EFCAB6: variants seen among roughly 807,000 people sequenced by gnomAD.
The protein encoded by EFCAB6 is EF-hand calcium binding domain 6, also known as EF-hand calcium-binding domain-containing protein 6.
In EFCAB6, 156 loss-of-function variants were observed where a neutral mutation model predicts 169.8. The observed-to-expected ratio is 0.92, with a 90% CI of 0.81 to 1.05. The LOEUF (loss-of-function observed/expected upper bound fraction) is 1.05. Ranked by LOEUF, EFCAB6 falls within the 50% of genes least tolerant of loss-of-function variation. The probability of loss-of-function intolerance (pLI) is 0.00; values close to 1 mark genes in which losing one functional copy is unlikely to be tolerated. For synonymous variants in EFCAB6, 698 were observed against 676.4 expected, an observed-to-expected ratio of 1.03 and a Z score of -0.50; for missense variants, 1,800 against 1,829.1, an observed-to-expected ratio of 0.98 and a Z score of 0.29.
intron 6 of EFCAB6, among the ~76,000 whole-genome samples, chr22:43,750,054 C>G (rs2060702393): frequency 6.6e-6 from 1 of 152,058 alleles, no homozygotes; most frequent in South Asian, 2.1e-4. Flanking sequence ...ACCCCCACAC[C>G]ATGCTGCTTT....
chr22:43,696,941 C>T (rs926060169), intron 10 of EFCAB6, among the ~76,000 whole-genome samples: 7 of 152,170 alleles, frequency 4.6e-5, no homozygotes, highest in African/African-American at 1.7e-4. Context: ...TAATTTATAC[C>T]TCTATAAAGC....
chr22:43,762,260 G>A (rs2061186823), intron 5 of EFCAB6, among the ~76,000 whole-genome samples: 1 of 152,190 alleles, frequency 6.6e-6, no homozygotes, highest in Admixed American at 6.5e-5. Flanking sequence ...AATCACTGAG[G>A]ATGTAGGGTC....
At chr22:43,626,794 C>T in intron 19 of EFCAB6, 115 bp from the exon 20 acceptor site, 1 of 906,066 alleles carries the variant, frequency 1.1e-6, no homozygotes, top group Non-Finnish European at 1.7e-6. Flanking sequence ...CTTGGCTGGG[C>T]CCCAACTATT....
chr22:43,627,604 A>G (rs1455388600), intron 19 of EFCAB6, among the ~76,000 whole-genome samples: 1 of 152,164 alleles, frequency 6.6e-6, no homozygotes, highest in African/African-American at 2.4e-5. Context: ...CCCGGGGCCA[A>G]TGCCTGTTTC....
chr22:43,626,501 T>C lies in EFCAB6; in HGVS notation c.2411A>G (p.Asn804Ser), dbSNP rs2054534025. 1 of 1,614,032 alleles carries C rather than the reference T, an allele frequency of 6.2e-7. No individual in the cohort carries two copies. Among genetic ancestry groups the C allele is most frequent in the African/African-American group, 1.3e-5 (1 of 74,894 alleles). Residue 804 changes from asparagine (N) to serine (S), a missense_variant, in exon 20 of 32, where the codon AAT becomes AGT. By Grantham distance (46) the Asn-to-Ser change is conservative. Transcript: ENST00000262726. Reference sequence around the variant, plus strand: ...TCTCCATGGTCTCTTCTCACACAAATTTTGAAATTCCCGAAAATTTAAAGT... The same window carrying C: ...TCTCCATGGTCTCTTCTCACACAAACTTTGAAATTCCCGAAAATTTAAAGT... Reference protein sequence around the residue: ...SVTLNFREFQNLCEKRPWRTD... With the variant: ...SVTLNFREFQSLCEKRPWRTD...
At position 43,555,204 on chromosome 22, in the gene EFCAB6, G is replaced by C. The variant is rs2048633187; in HGVS notation, c.3421-108C>G. 4.3e-6 allele frequency: 5 copies of C among 1,157,258 alleles called. No individual in the cohort carries two copies. The East Asian group carries it at 1.3e-4, about 29-fold the overall frequency. 71.7% of individuals were successfully genotyped at this position (1,157,258 alleles called of 1,614,324 possible). On this transcript the variant is annotated intron_variant, in intron 26 of 31. Coordinates refer to ENST00000262726, the MANE Select transcript of EFCAB6 (RefSeq NM_022785.4). ...GCAGGGAGACCCAGCGTGGTGGGGA[G>C]GAGAGGCCAGAAGACAGCTACAGCC...
intron 10 of EFCAB6, among the ~76,000 whole-genome samples, chr22:43,689,894 T>A (rs1232506946): frequency 6.6e-6 from 1 of 152,214 alleles, no homozygotes. Context: ...TCTCTTTCTA[T>A]GATCCAAGAC....
At chr22:43,733,821 G>A (rs1240625256) in intron 7 of EFCAB6, among the ~76,000 whole-genome samples, 1 of 152,086 alleles carries the variant, frequency 6.6e-6, no homozygotes, top group African/African-American at 2.4e-5. Context: ...CGATTCTCCT[G>A]CCTCAGCCTC....
rs149961580 is a variant in EFCAB6 at position 43,577,392 on chromosome 22, A to G, written c.3229-904T>C. On this transcript the variant is annotated intron_variant, in intron 25 of 31. Transcript: ENST00000262726. ...CCCATTGGCCCAACAGGGTGATGGC[A>G]TATGTGTAATCAAATTAACCTTAAA... 1.2e-3 allele frequency among the ~76,000 whole-genome samples: 189 copies of G among 152,294 alleles called. 1 individual carries two copies. The highest frequency in any genetic ancestry group is 6.9e-3 in the East Asian group (36 of 5,180).
intron 17 of EFCAB6, among the ~76,000 whole-genome samples, chr22:43,662,817 C>G (rs1447480623): frequency 6.6e-6 from 1 of 152,224 alleles, no homozygotes; most frequent in Non-Finnish European, 1.5e-5. Flanking sequence ...CTACTACATG[C>G]AGCAAGCCTG....
intron 3 of EFCAB6, among the ~76,000 whole-genome samples, chr22:43,778,381 G>A (rs558329604): frequency 5.2e-4 from 79 of 152,290 alleles, no homozygotes; most frequent in Non-Finnish European, 9.6e-4. Context: ...GCACAAGTTC[G>A]GGGCAGCTGT....
intron 26 of EFCAB6, among the ~76,000 whole-genome samples, chr22:43,574,330 T>G (rs748902658): frequency 3.9e-5 from 6 of 152,136 alleles, no homozygotes; most frequent in Non-Finnish European, 7.4e-5. Context: ...AAAACTTCTT[T>G]AAGGCAGGGT....
Position 43,735,998 on chromosome 22 carries a change from G to T in EFCAB6, c.508-5C>A. ...AGTCTTAATGTTTTTGAAAACCTAT[G>T]TACAAAAAGTGATTTAGGAAAAGTC... On this transcript the variant is annotated splice_polypyrimidine_tract_variant and splice_region_variant and intron_variant, in intron 6 of 31. Transcript: ENST00000262726. 6.3e-7 allele frequency: 1 copy of T among 1,599,066 alleles called. No homozygotes were observed. The highest frequency in any genetic ancestry group is 1.1e-5 in the South Asian group (1 of 87,234).
intron 6 of EFCAB6, among the ~76,000 whole-genome samples, chr22:43,737,544 C>T (rs2060190162): frequency 1.3e-5 from 2 of 149,912 alleles, no homozygotes; most frequent in Non-Finnish European, 1.5e-5. Context: ...CTCACACACA[C>T]ATGTATTCAT....
In EFCAB6 at chr22:43,554,943, T is replaced by C. The variant is rs1174687896; in HGVS notation, c.3574A>G (p.Lys1192Glu). 1 of 1,614,162 alleles carries C rather than the reference T, an allele frequency of 6.2e-7. No homozygotes were observed. The change falls in exon 27 of 32, where the codon AAA becomes GAA. Residue 1192 changes from lysine (K) to glutamate (E), a missense_variant. Transcript: ENST00000262726. ...TQEFENFDTMKTNTISREEFR... is the reference protein window; with the variant it reads ...TQEFENFDTMETNTISREEFR... The stretch of plus-strand genomic sequence containing the variant: ...TCCTCTCTGGAGATGGTGTTCGTTT[T>C]CATGGTGTCAAAATTCTCAAACTCC...
chr22:43,690,805 C>T (rs2058385222), intron 10 of EFCAB6, among the ~76,000 whole-genome samples: 1 of 151,736 alleles, frequency 6.6e-6, no homozygotes, highest in African/African-American at 2.4e-5. Context: ...CCATCATTAC[C>T]TACTTCCCAT....
chr22:43,562,990 A>T (rs988177495), intron 26 of EFCAB6, among the ~76,000 whole-genome samples: 4 of 152,078 alleles, frequency 2.6e-5, no homozygotes, highest in Admixed American at 2.0e-4. Context: ...GCTATCTGGG[A>T]CGAGCCCTTC....
chr22:43,529,107 G>C, intron 31 of EFCAB6, 132 bp from the exon 32 acceptor site: 1 of 1,088,712 alleles, frequency 9.2e-7, no homozygotes, highest in Non-Finnish European at 1.3e-6. Context: ...CCTCCCATCT[G>C]TGCGCTCTCT....
chr22:43,590,301 A>G, intron 23 of EFCAB6, 72 bp from the exon 24 acceptor site: 3 of 1,537,150 alleles, frequency 2.0e-6, no homozygotes, highest in African/African-American at 2.7e-5. Flanking sequence ...CAAACACTGC[A>G]TGATTATTCT....
Sources: allele counts gnomAD v4.1 joint callset (sites outside exome capture counted in the v4.1 genomes callset), GRCh38; gene constraint gnomAD v4.1.1; transcripts MANE v1.5; gene names NCBI Gene and HGNC (gene_info 2026-07-23, HGNC 2026-07-21).